Variants in CTNNA3 observed in about 807,000 individuals in gnomAD.
The protein encoded by CTNNA3 is catenin alpha 3.
CTNNA3 carries 76 observed loss-of-function variants against 95.7 expected under a neutral mutation model. The ratio of observed to expected loss-of-function variants is 0.79; its 90% CI spans 0.66 to 0.96. CTNNA3 has a LOEUF of 0.96. CTNNA3 is among the 40% of genes least tolerant of loss of function. The pLI is 0.00. For missense variants in CTNNA3, 1,191 were observed against 1,089.8 expected (o/e 1.09, Z -1.31); for synonymous variants, 431 against 374.4 (o/e 1.15, Z -1.74).
At chr10:66,921,512 A>G (rs968418427) in intron 7 of CTNNA3, among the ~76,000 whole-genome samples, 3 of 152,116 alleles carry the variant, frequency 2.0e-5, no homozygotes, top group Non-Finnish European at 4.4e-5. Context: ...CAATTATTCT[A>G]TCACTTGGTC....
chr10:67,122,896 T>A lies in CTNNA3; in HGVS notation c.1047+57421A>T, dbSNP rs1859537107. 2.0e-5 allele frequency among the ~76,000 whole-genome samples: 3 copies of A among 152,134 alleles called. No homozygotes were observed. In the South Asian group the frequency reaches 6.2e-4, roughly 32 times the overall value. On this transcript the variant is annotated intron_variant, in intron 7 of 17. Transcript: ENST00000433211. The stretch of plus-strand genomic sequence containing the variant: ...GTGTCAGAATTGTACAGCTCTTTTT[T>A]AAAAAGCCACATTAATAAAAATAAG...
chr10:66,592,996 G>A (rs1252777922), intron 10 of CTNNA3, among the ~76,000 whole-genome samples: 1 of 152,106 alleles, frequency 6.6e-6, no homozygotes, highest in African/African-American at 2.4e-5. Flanking sequence ...GAAGAAGAAG[G>A]CAAATTCAAT....
intron 9 of CTNNA3, among the ~76,000 whole-genome samples, chr10:66,624,837 T>C (rs1326430694): frequency 2.6e-5 from 4 of 152,120 alleles, no homozygotes; most frequent in Non-Finnish European, 5.9e-5. Context: ...ACTAGCAATA[T>C]GTGTATGTCC....
At chr10:67,617,862 G>A (rs953602204) in intron 2 of CTNNA3, among the ~76,000 whole-genome samples, 1 of 151,122 alleles carries the variant, frequency 6.6e-6, no homozygotes, top group Non-Finnish European at 1.5e-5. Flanking sequence ...AATGATCAGT[G>A]ATGTTGAGCT....
chr10:66,629,709 TTCTTGTTCTC>T lies in CTNNA3; in HGVS notation c.1282-7935_1282-7926del, dbSNP rs1173107021. Reference sequence around the variant, plus strand: ...CTGGCCTGAGAGTCATCATGTGTAGTTCTTGTTCTCTCTTTGCTTCAGCTATATCAATGTA... The same window carrying T: ...CTGGCCTGAGAGTCATCATGTGTAGTTCTTTGCTTCAGCTATATCAATGTA... On this transcript the variant is annotated intron_variant, in intron 9 of 17. Coordinates refer to ENST00000433211, the MANE Select transcript of CTNNA3 (RefSeq NM_013266.4). Among the ~76,000 whole-genome samples, 2 of 151,978 alleles carry T rather than the reference TTCTTGTTCTC, an allele frequency of 1.3e-5. 1 individual carries two copies. Among genetic ancestry groups the T allele is most frequent in the African/African-American group, 4.8e-5 (2 of 41,394 alleles).
At chr10:67,373,655 T>C (rs1330987334) in intron 5 of CTNNA3, among the ~76,000 whole-genome samples, 1 of 152,144 alleles carries the variant, frequency 6.6e-6, no homozygotes, top group Non-Finnish European at 1.5e-5. Context: ...TCTCCCACAA[T>C]GTTAAGTGAA....
intron 7 of CTNNA3, among the ~76,000 whole-genome samples, chr10:67,152,291 A>T (rs1405809361): frequency 6.6e-6 from 1 of 152,164 alleles, no homozygotes; most frequent in African/African-American, 2.4e-5. Context: ...TGAACTACAT[A>T]CAGAATAAGA....
At chr10:66,221,777 G>A (rs2088943527) in intron 13 of CTNNA3, among the ~76,000 whole-genome samples, 1 of 152,192 alleles carries the variant, frequency 6.6e-6, no homozygotes, top group Non-Finnish European at 1.5e-5. Context: ...GTATTAACAA[G>A]GCAATGTAAC....
intron 13 of CTNNA3, among the ~76,000 whole-genome samples, chr10:66,154,344 C>T (rs2084365047): frequency 6.6e-6 from 1 of 151,670 alleles, no homozygotes; most frequent in Non-Finnish European, 1.5e-5. Context: ...TAACATTGAG[C>T]AACTAGAGTA....
chr10:66,046,081 A>C (rs4745884), intron 15 of CTNNA3, among the ~76,000 whole-genome samples: 1 of 151,854 alleles, frequency 6.6e-6, no homozygotes, highest in African/African-American at 2.4e-5. Flanking sequence ...GGATGATTAC[A>C]ACTAATCAAG....
intron 5 of CTNNA3, among the ~76,000 whole-genome samples, chr10:67,249,723 G>C (rs1866034171): frequency 6.6e-6 from 1 of 152,128 alleles, no homozygotes; most frequent in Non-Finnish European, 1.5e-5. Flanking sequence ...TATCATGGCA[G>C]CTCCAGGTGC....
At chr10:66,343,844 T>C (rs1263737858) in intron 12 of CTNNA3, among the ~76,000 whole-genome samples, 1 of 151,968 alleles carries the variant, frequency 6.6e-6, no homozygotes, top group Non-Finnish European at 1.5e-5. Flanking sequence ...GTATGTGCAA[T>C]TATTATTTGT....
chr10:67,435,247 C>G (rs1239485692), intron 5 of CTNNA3, among the ~76,000 whole-genome samples: 1 of 151,982 alleles, frequency 6.6e-6, no homozygotes, highest in African/African-American at 2.4e-5. Flanking sequence ...AACCCACATT[C>G]ATACTGTTCA....
At chr10:66,308,896 T>C (rs1249371467) in intron 12 of CTNNA3, among the ~76,000 whole-genome samples, 1 of 152,210 alleles carries the variant, frequency 6.6e-6, no homozygotes, top group African/African-American at 2.4e-5. Context: ...AAATTGAAGT[T>C]GACATATGCT....
intron 13 of CTNNA3, among the ~76,000 whole-genome samples, chr10:66,236,690 C>T (rs1434055446): frequency 6.6e-6 from 1 of 152,142 alleles, no homozygotes; most frequent in Non-Finnish European, 1.5e-5. Flanking sequence ...AAAAAATACA[C>T]AGGAGATACA....
At chr10:66,338,532 CAT>C (rs1267782123) in intron 12 of CTNNA3, among the ~76,000 whole-genome samples, 1 of 151,770 alleles carries the variant, frequency 6.6e-6, no homozygotes, top group Non-Finnish European at 1.5e-5. Flanking sequence ...AAAGAAATAA[CAT>C]AGTAATTAAG....
At position 66,300,655 on chromosome 10, in the gene CTNNA3, C is replaced by T. The variant is rs543271750; in HGVS notation, c.1733-20034G>A. On this transcript the variant is annotated intron_variant, in intron 12 of 17. Coordinates refer to ENST00000433211, the MANE Select transcript of CTNNA3 (RefSeq NM_013266.4). ...AAATCATGAACACTTTAGATACATA[C>T]AAATTGAAGGTAATTCTACAAAATG... Among the ~76,000 whole-genome samples the T allele has an allele frequency of 4.9e-4, 74 of 150,916 alleles. 3 individuals carry two copies. The South Asian group carries it at 0.015, about 31-fold the overall frequency.
chr10:66,639,059 C>G (rs1190360737), intron 9 of CTNNA3, among the ~76,000 whole-genome samples: 1 of 151,870 alleles, frequency 6.6e-6, no homozygotes, highest in Non-Finnish European at 1.5e-5. Flanking sequence ...GTCTGTGAGC[C>G]AGGGGCTAGT....
intron 10 of CTNNA3, among the ~76,000 whole-genome samples, chr10:66,542,422 G>C (rs570997288): frequency 6.6e-6 from 1 of 152,200 alleles, no homozygotes; most frequent in African/African-American, 2.4e-5. Context: ...TCATGCTGCT[G>C]TAAAGACGCA....
Sources: allele counts gnomAD v4.1 joint callset (sites outside exome capture counted in the v4.1 genomes callset), GRCh38; gene constraint gnomAD v4.1.1; transcripts MANE v1.5; gene names NCBI Gene and HGNC (gene_info 2026-07-23, HGNC 2026-07-21).